EHBP1: variants seen among roughly 807,000 people sequenced by gnomAD.
EHBP1 encodes EH domain binding protein 1.
In EHBP1, 55 loss-of-function variants were observed where a neutral mutation model predicts 144.0. The observed-to-expected ratio is 0.38, with a 90% confidence interval of 0.31 to 0.48. EHBP1 has a LOEUF of 0.48. Ranked by LOEUF, EHBP1 falls within the 20% of genes least tolerant of loss-of-function variation. The probability of loss-of-function intolerance (pLI) is 0.98; values close to 1 mark genes in which losing one functional copy is unlikely to be tolerated. For synonymous variants in EHBP1, 469 were observed against 472.7 expected (o/e 0.99, Z 0.10); for missense variants, 1,200 against 1,364.2 (o/e 0.88, Z 1.90).
rs141349294 is a variant in EHBP1 at position 62,890,664 on chromosome 2, T to C, written c.1185+16132T>C. Among the ~76,000 whole-genome samples the C allele has an allele frequency of 5.0e-4, 76 of 152,314 alleles. 1 individual carries two copies. Among genetic ancestry groups the C allele is most frequent in the African/African-American group, 1.6e-3 (68 of 41,566 alleles). ...CCAAGACTGCGGTGTTCTCTAGATA[T>C]TGGATTATGTCGTCTGCATACAGGG... On this transcript the variant is annotated intron_variant, in intron 10 of 22. Coordinates refer to ENST00000431489, the MANE Select transcript of EHBP1 (RefSeq NM_001142616.3).
chr2:62,871,979 C>G (rs2050526230), intron 9 of EHBP1: 1 of 152,128 alleles, frequency 6.6e-6, no homozygotes, highest in East Asian at 1.9e-4. Flanking sequence ...GCAGTCATTT[C>G]TCGTATGGTT....
chr2:62,937,990 A>G (rs1479822142), intron 10 of EHBP1, among the ~76,000 whole-genome samples: 1 of 152,166 alleles, frequency 6.6e-6, no homozygotes, highest in Admixed American at 6.5e-5. Context: ...GAAAGGAGAT[A>G]GATTACAAAA....
chr2:62,812,941 C>T (rs2045136379), intron 5 of EHBP1, among the ~76,000 whole-genome samples: 1 of 152,172 alleles, frequency 6.6e-6, no homozygotes, highest in African/African-American at 2.4e-5. Flanking sequence ...TAAGCAACCA[C>T]TTACTAAGGA....
At chr2:62,934,625 T>TGTAAGGCAG (rs1219991261) in intron 10 of EHBP1, among the ~76,000 whole-genome samples, 3 of 152,202 alleles carry the variant, frequency 2.0e-5, no homozygotes, top group Non-Finnish European at 4.4e-5. Context: ...GGTGGGTAAG[T>TGTAAGGCAG]GTGGACCACT....
chr2:62,962,621 A>G (rs1390458018), intron 14 of EHBP1, among the ~76,000 whole-genome samples: 1 of 152,242 alleles, frequency 6.6e-6, no homozygotes, highest in South Asian at 2.1e-4. Context: ...GAATGATGCT[A>G]TATATGTTTA....
At position 63,007,912 on chromosome 2, in the gene EHBP1, C is replaced by T. The variant is rs537420655; in HGVS notation, c.3103+11146C>T. 2.2e-4 allele frequency among the ~76,000 whole-genome samples: 34 copies of T among 151,776 alleles called. No individual in the cohort carries two copies. The South Asian group carries it at 6.8e-3, about 31-fold the overall frequency. On this transcript the variant is annotated intron_variant, in intron 19 of 22. Transcript: ENST00000431489. ...TTCTTAATTAGAATAATCTCCAAAG[C>T]CAGTTAAATGTTTTAGAAGACAAAC...
intron 7 of EHBP1, among the ~76,000 whole-genome samples, chr2:62,837,756 A>G (rs1333843312): frequency 6.6e-6 from 1 of 152,100 alleles, no homozygotes; most frequent in Non-Finnish European, 1.5e-5. Context: ...CCATTACATA[A>G]TGGTAAAGGG....
chr2:62,997,766 A>T (rs958264902), intron 19 of EHBP1, among the ~76,000 whole-genome samples: 1 of 152,142 alleles, frequency 6.6e-6, no homozygotes, highest in East Asian at 1.9e-4. Flanking sequence ...AAATGCATAG[A>T]TTAGTGAAAT....
intron 15 of EHBP1, among the ~76,000 whole-genome samples, chr2:62,981,289 A>G (rs1171904101): frequency 6.6e-6 from 1 of 152,136 alleles, no homozygotes; most frequent in Non-Finnish European, 1.5e-5. Context: ...TCTTCCAGAT[A>G]TTCTAAGTAA....
chr2:62,980,370 G>A (rs1406433867), intron 15 of EHBP1, among the ~76,000 whole-genome samples: 1 of 152,126 alleles, frequency 6.6e-6, no homozygotes, highest in Non-Finnish European at 1.5e-5. Context: ...AACTCAGGAG[G>A]TAATGCTCAT....
At chr2:63,018,595 C>T (rs1168388413) in intron 19 of EHBP1, among the ~76,000 whole-genome samples, 1 of 152,158 alleles carries the variant, frequency 6.6e-6, no homozygotes, top group East Asian at 1.9e-4. Context: ...GATGCCCCAA[C>T]TTTTTACTAT....
chr2:62,821,503 A>G (rs940940236), intron 5 of EHBP1, among the ~76,000 whole-genome samples: 2 of 151,980 alleles, frequency 1.3e-5, no homozygotes, highest in Admixed American at 1.3e-4. Context: ...AGCCTGAGCA[A>G]CATAGTGAGA....
chr2:63,027,236 A>G (rs976372719), intron 19 of EHBP1, among the ~76,000 whole-genome samples: 1 of 152,192 alleles, frequency 6.6e-6, no homozygotes, highest in African/African-American at 2.4e-5. Flanking sequence ...TTCCCAGCCT[A>G]TAAGAAAGTT....
At chr2:62,997,427 C>CGT (rs748541351) in intron 19 of EHBP1, among the ~76,000 whole-genome samples, 8,738 of 139,900 alleles carry the variant, frequency 0.062, 437 homozygotes, top group Non-Finnish European at 0.067. Flanking sequence ...GAAAGGAACT[C>CGT]ATGTGTGTGT....
chr2:62,832,402 G>A (rs977165913), intron 7 of EHBP1, among the ~76,000 whole-genome samples: 1 of 140,956 alleles, frequency 7.1e-6, no homozygotes, highest in Non-Finnish European at 1.6e-5. Context: ...ACTGAACTTT[G>A]CTTTATTGCA....
At chr2:62,751,804 T>C (rs909947866) in intron 3 of EHBP1, among the ~76,000 whole-genome samples, 1 of 152,228 alleles carries the variant, frequency 6.6e-6, no homozygotes, top group East Asian at 1.9e-4. Context: ...GATGGTAGTT[T>C]GTATTTTTAT....
At chr2:62,950,018 A>G (rs2057293329) in intron 13 of EHBP1, among the ~76,000 whole-genome samples, 2 of 152,202 alleles carry the variant, frequency 1.3e-5, no homozygotes, top group South Asian at 4.1e-4. Context: ...ACTCGTGTAT[A>G]TATAAGGAGG....
intron 19 of EHBP1, among the ~76,000 whole-genome samples, chr2:63,011,982 CAA>C (rs950442432): frequency 6.6e-5 from 10 of 151,384 alleles, no homozygotes; most frequent in African/African-American, 2.4e-4. Context: ...CAAGTTCTAA[CAA>C]AATATAAGTA....
chr2:62,724,185 T>G (rs956002925), intron 2 of EHBP1, among the ~76,000 whole-genome samples: 1 of 152,214 alleles, frequency 6.6e-6, no homozygotes, highest in African/African-American at 2.4e-5. Context: ...CATTCTTTTT[T>G]GTCTATTCTT....
Sources: allele counts gnomAD v4.1 joint callset (sites outside exome capture counted in the v4.1 genomes callset), GRCh38; gene constraint gnomAD v4.1.1; transcripts MANE v1.5; gene names NCBI Gene and HGNC (gene_info 2026-07-23, HGNC 2026-07-21).